SNX6: variants seen among roughly 807,000 people sequenced by gnomAD.
SNX6 encodes the protein sorting nexin-6.
SNX6 carries 34 observed loss-of-function variants against 63.0 expected under a neutral mutation model. The observed-to-expected ratio is 0.54, with a 90% CI of 0.41 to 0.72. SNX6 has a LOEUF of 0.72. Ranked by LOEUF, SNX6 falls within the 30% of genes least tolerant of loss-of-function variation. The probability of loss-of-function intolerance (pLI) is 0.00; values close to 1 mark genes in which losing one functional copy is unlikely to be tolerated. For missense variants in SNX6, 398 were observed against 471.4 expected (o/e 0.84, Z 1.44); for synonymous variants, 170 against 164.2 (o/e 1.04, Z -0.27).
chr14:34,595,367 C>A (rs1184656810), intron 7 of SNX6, among the ~76,000 whole-genome samples: 3 of 152,050 alleles, frequency 2.0e-5, no homozygotes, highest in African/African-American at 7.2e-5. Flanking sequence ...AAACTCTTGA[C>A]CTCAGGTGAT....
In SNX6 at chr14:34,630,090, G is replaced by A. The variant is rs549619147; in HGVS notation, c.6+21C>T. ...TGCCCCCACCGCGCTCCCGGGACTC[G>A]GCGCCGCGGAGAACACCCACCATCA... On this transcript the variant is annotated intron_variant, in intron 1 of 13. Transcript: ENST00000362031. 4 of 1,449,224 alleles carry A rather than the reference G, an allele frequency of 2.8e-6. No homozygotes were observed. The Admixed American group carries it at 8.9e-5, about 32-fold the overall frequency. 89.8% of individuals were successfully genotyped at this position (1,449,224 alleles called of 1,614,324 possible). A position where few individuals can be genotyped will look rare whatever the true frequency, so the allele number is the denominator to read the frequency against.
rs1490852336 is a variant in SNX6, at chr14:34,583,378, A to C, written c.795-1778T>G. ...AGTTGGTATCAGCATTTGACAGATA[A>C]ACTATTTAGTTAAAAGTGAAAATAA... On this transcript the variant is annotated intron_variant, in intron 9 of 13. Coordinates refer to ENST00000362031, the MANE Select transcript of SNX6 (RefSeq NM_152233.4). Among the ~76,000 whole-genome samples the C allele has an allele frequency of 2.0e-5, 3 of 152,156 alleles. No homozygotes were observed. The East Asian group carries it at 5.8e-4, about 29-fold the overall frequency.
chr14:34,585,625 C>CT (rs1403082970), intron 9 of SNX6, among the ~76,000 whole-genome samples: 1 of 152,020 alleles, frequency 6.6e-6, no homozygotes, highest in Non-Finnish European at 1.5e-5. Flanking sequence ...TTGAGATAGT[C>CT]TTGCTCTGTC....
intron 11 of SNX6, among the ~76,000 whole-genome samples, chr14:34,569,506 C>T (rs966447136): frequency 7.2e-5 from 11 of 151,958 alleles, no homozygotes; most frequent in Admixed American, 4.6e-4. Context: ...CGGCTCACTA[C>T]AACCTCCACC....
chr14:34,629,284 A>G lies in SNX6; in HGVS notation c.54+623T>C, dbSNP rs74616612. 3.3e-3 allele frequency among the ~76,000 whole-genome samples: 497 copies of G among 152,140 alleles called. 3 individuals are homozygous for G. Among genetic ancestry groups the G allele is most frequent in the African/African-American group, 0.012 (483 of 41,502 alleles). ...AGTATTTGTCAATATACCTCAAAGA[A>G]GCTAAGGGGGAATAAAACACCAAGG... On this transcript the variant is annotated intron_variant, in intron 2 of 13. Coordinates refer to ENST00000362031, the MANE Select transcript of SNX6 (RefSeq NM_152233.4).
chr14:34,586,383 A>G, intron 8 of SNX6, 78 bp from the exon 9 acceptor site: 1 of 876,018 alleles, frequency 1.1e-6, no homozygotes, highest in Non-Finnish European at 1.8e-6. Flanking sequence ...CCTCTCAAAC[A>G]ATGTGTAATA....
intron 2 of SNX6, among the ~76,000 whole-genome samples, chr14:34,618,646 G>A (rs1319487544): frequency 6.6e-6 from 1 of 152,108 alleles, no homozygotes; most frequent in Non-Finnish European, 1.5e-5. Context: ...CACTGCACCT[G>A]GCCCTCGTTT....
chr14:34,584,989 A>T (rs189119573), intron 9 of SNX6, among the ~76,000 whole-genome samples: 1 of 151,938 alleles, frequency 6.6e-6, no homozygotes, highest in Admixed American at 6.6e-5. Context: ...AGTAGCTGGG[A>T]TTACAGACAC....
chr14:34,568,767 GC>G, intron 11 of SNX6: 1 of 909,146 alleles, frequency 1.1e-6, no homozygotes, highest in Non-Finnish European at 1.8e-6. Flanking sequence ...TCAGTTTGCG[GC>G]CCCCATCTTG....
At chr14:34,604,140 A>T in intron 5 of SNX6, 1 of 1,274,054 alleles carries the variant, frequency 7.8e-7, no homozygotes, top group Non-Finnish European at 1.0e-6. Flanking sequence ...CATACCAGCA[A>T]ACCAGCAGGA....
intron 7 of SNX6, among the ~76,000 whole-genome samples, chr14:34,593,604 G>A (rs1327307551): frequency 1.4e-4 from 18 of 133,018 alleles, no homozygotes; most frequent in East Asian, 2.1e-4. Context: ...GCAAAGTCTC[G>A]CTCTGTCACC....
chr14:34,593,530 C>T (rs1319600676), intron 7 of SNX6, among the ~76,000 whole-genome samples: 1 of 150,018 alleles, frequency 6.7e-6, no homozygotes, highest in Non-Finnish European at 1.5e-5. Flanking sequence ...GTCCCAATAG[C>T]TGGGACTACA....
chr14:34,568,750 T>G (rs1426942590), intron 11 of SNX6: 2 of 885,076 alleles, frequency 2.3e-6, no homozygotes, highest in Non-Finnish European at 3.8e-6. Context: ...TCTCTGTCCC[T>G]GACGTGTCAG....
At chr14:34,572,857 T>C (rs974259838) in intron 11 of SNX6, among the ~76,000 whole-genome samples, 1 of 151,880 alleles carries the variant, frequency 6.6e-6, no homozygotes, top group Non-Finnish European at 1.5e-5. Flanking sequence ...ATTTTTTGTA[T>C]TTTTTTAGTA....
chr14:34,628,566 CTG>C (rs1229625462), intron 2 of SNX6, among the ~76,000 whole-genome samples: 1 of 151,990 alleles, frequency 6.6e-6, no homozygotes, highest in African/African-American at 2.4e-5. Flanking sequence ...GAGGTCAAGG[CTG>C]CAGTGAGCTA....
chr14:34,591,230 T>TAA (rs67980327), intron 8 of SNX6, among the ~76,000 whole-genome samples: 59,414 of 150,414 alleles, frequency 0.4, 12,904 homozygotes, highest in East Asian at 0.74. Context: ...ACAAAGCTGT[T>TAA]AAAAAAAAAA....
intron 2 of SNX6, among the ~76,000 whole-genome samples, chr14:34,628,636 C>CA (rs1883920746): frequency 6.6e-6 from 1 of 152,056 alleles, no homozygotes; most frequent in African/African-American, 2.4e-5. Flanking sequence ...CTCATAAAAC[C>CA]AAATAAATAA....
rs759967073 is a variant in SNX6 at position 34,605,676 on chromosome 14, C to T, written c.312G>A (p.Arg104=). 1.2e-6 allele frequency: 2 copies of T among 1,610,244 alleles called. No homozygotes were observed. The highest frequency in any genetic ancestry group is 1.7e-5 in the Admixed American group (1 of 59,232). Residue 104 remains arginine (R), a synonymous_variant, in exon 5 of 14, where the codon AGG becomes AGA. Transcript: ENST00000362031. ...CTTCACCAAGCTTCTGTAGTTTTTC[C>T]CTTGAAGCATCAAAATCAGGTCTTG... ...APPRPDFDAS[R]EKLQKLGEGE...
intron 2 of SNX6, among the ~76,000 whole-genome samples, chr14:34,625,107 G>A (rs1883776939): frequency 3.3e-5 from 5 of 151,954 alleles, no homozygotes; most frequent in Admixed American, 3.3e-4. Context: ...AGCAGGGACA[G>A]GGTTTCACTA....
Sources: allele counts gnomAD v4.1 joint callset (sites outside exome capture counted in the v4.1 genomes callset), GRCh38; gene constraint gnomAD v4.1.1; transcripts MANE v1.5; gene names NCBI Gene and HGNC (gene_info 2026-07-23, HGNC 2026-07-21).